Variants in RGS6 observed in about 807,000 individuals in gnomAD.
RGS6 encodes the protein regulator of G-protein signaling 6.
Under a neutral mutation model 78.5 loss-of-function variants are expected in RGS6, and 30 were observed. The ratio of observed to expected loss-of-function variants is 0.38; its 90% CI spans 0.29 to 0.52. The LOEUF is 0.52. RGS6 is among the 20% of genes least tolerant of loss of function. The probability of loss-of-function intolerance (pLI) is 0.85; values close to 1 mark genes in which losing one functional copy is unlikely to be tolerated. For missense variants in RGS6, 495 were observed against 609.7 expected (o/e 0.81, Z 1.98); for synonymous variants, 206 against 206.0 (o/e 1.00, Z 0.00).
chr14:72,474,739 T>C (rs2096189289), intron 10 of RGS6, 40 bp downstream of exon 10: 2 of 1,518,566 alleles, frequency 1.3e-6, no homozygotes, highest in African/African-American at 1.4e-5. Context: ...CTGATGTGAA[T>C]AGCCCTTCCA....
At chr14:72,517,497 T>A (rs1598603113) in intron 14 of RGS6, among the ~76,000 whole-genome samples, 2 of 152,310 alleles carry the variant, frequency 1.3e-5, no homozygotes, top group South Asian at 4.1e-4. Flanking sequence ...ATGCGGATGC[T>A]GAGGGATTAA....
rs2079228225 is a variant in RGS6 at position 72,352,202 on chromosome 14, C to T, written c.184+8C>T. ...TCCCCAGTGTCGTCACAGGTAACAC[C>T]CTCCTTGCAAGGTGTTGGTAACAGT... On this transcript the variant is annotated splice_region_variant and intron_variant, in intron 3 of 17. Transcript: ENST00000553525. 1.9e-6 allele frequency: 3 copies of T among 1,606,754 alleles called. No individual in the cohort carries two copies. The South Asian group carries it at 3.3e-5, about 18-fold the overall frequency.
chr14:72,128,227 A>G (rs887677298), intron 2 of RGS6, among the ~76,000 whole-genome samples: 1 of 152,214 alleles, frequency 6.6e-6, no homozygotes, highest in Non-Finnish European at 1.5e-5. Context: ...CAAATGTTAT[A>G]AACTATGACA....
chr14:72,510,393 G>A (rs2153447484), intron 14 of RGS6, 114 bp downstream of exon 14: 1 of 1,359,670 alleles, frequency 7.4e-7, no homozygotes, highest in Non-Finnish European at 1.0e-6. Flanking sequence ...AAATTCAAAT[G>A]CCAGCTAATC....
intron 2 of RGS6, among the ~76,000 whole-genome samples, chr14:72,012,947 G>A (rs2086093076): frequency 6.6e-6 from 1 of 152,122 alleles, no homozygotes; most frequent in Admixed American, 6.6e-5. Flanking sequence ...TGTCAAGTAA[G>A]CCAAGTTAAT....
the RGS6 span, among the ~76,000 whole-genome samples, chr14:72,596,829 T>C: frequency 3.3e-5 from 5 of 152,162 alleles, no homozygotes; most frequent in East Asian, 9.6e-4. Flanking sequence ...TCAGAGAGGC[T>C]CAGGTGAGAT....
intron 2 of RGS6, among the ~76,000 whole-genome samples, chr14:72,238,867 C>T (rs2051931976): frequency 6.6e-6 from 1 of 152,186 alleles, no homozygotes; most frequent in African/African-American, 2.4e-5. Context: ...ACAACCTGTT[C>T]TGTAAACTCA....
intron 3 of RGS6, among the ~76,000 whole-genome samples, chr14:72,368,272 C>T (rs867048336): frequency 6.6e-6 from 1 of 152,052 alleles, no homozygotes; most frequent in Non-Finnish European, 1.5e-5. Context: ...GATAGCTAAC[C>T]CACTCCTAGG....
At chr14:72,115,443 T>C (rs2153558331) in intron 2 of RGS6, among the ~76,000 whole-genome samples, 1 of 152,270 alleles carries the variant, frequency 6.6e-6, no homozygotes, top group Middle Eastern at 3.4e-3. Context: ...CACATTGGTC[T>C]CTTGCTGCCT....
chr14:72,543,596 A>G (rs928847298), intron 17 of RGS6, among the ~76,000 whole-genome samples: 15 of 152,168 alleles, frequency 9.9e-5, no homozygotes, highest in Admixed American at 9.2e-4. Flanking sequence ...GGCATTACTG[A>G]CCAGGGAGAG....
intron 2 of RGS6, among the ~76,000 whole-genome samples, chr14:72,013,224 T>G (rs2086179120): frequency 8.2e-6 from 1 of 121,810 alleles, no homozygotes; most frequent in South Asian, 2.8e-4. Context: ...TGAGCCAAGA[T>G]CACGCCACTG....
At chr14:72,504,807 G>T (rs1175450998) in intron 13 of RGS6, among the ~76,000 whole-genome samples, 1 of 151,076 alleles carries the variant, frequency 6.6e-6, no homozygotes, top group African/African-American at 2.4e-5. Flanking sequence ...AGGCTGGAGT[G>T]CAGTGTCGGG....
intron 3 of RGS6, among the ~76,000 whole-genome samples, chr14:72,417,477 C>T (rs543355070): frequency 1.1e-4 from 16 of 152,250 alleles, no homozygotes; most frequent in Admixed American, 7.9e-4. Context: ...AGATTTGGGC[C>T]GTCTTTTTTT....
At chr14:72,481,574 C>T (rs2096378524) in intron 12 of RGS6, among the ~76,000 whole-genome samples, 1 of 152,182 alleles carries the variant, frequency 6.6e-6, no homozygotes, top group African/African-American at 2.4e-5. Context: ...CTCAGATCAT[C>T]CCAGTTCCAA....
At chr14:72,429,646 G>C (rs139780405) in intron 3 of RGS6, among the ~76,000 whole-genome samples, 294 of 152,322 alleles carry the variant, frequency 1.9e-3, no homozygotes, top group African/African-American at 6.9e-3. Context: ...GTGGCCTCCA[G>C]ATGTGCACAG....
At chr14:72,236,918 C>T (rs374226728) in intron 2 of RGS6, among the ~76,000 whole-genome samples, 3 of 152,214 alleles carry the variant, frequency 2.0e-5, no homozygotes, top group Admixed American at 6.5e-5. Flanking sequence ...GACGGGGCGG[C>T]GGCATTCTTA....
At chr14:72,205,676 A>G (rs1478985038) in intron 2 of RGS6, among the ~76,000 whole-genome samples, 4 of 152,240 alleles carry the variant, frequency 2.6e-5, no homozygotes, top group African/African-American at 9.6e-5. Flanking sequence ...ATTGTGTGCA[A>G]AGGTTTCTGG....
the RGS6 span, among the ~76,000 whole-genome samples, chr14:72,615,355 G>A: frequency 6.6e-6 from 1 of 152,156 alleles, no homozygotes; most frequent in African/African-American, 2.4e-5. Context: ...AAGAGCACAG[G>A]TCTCCTCCAC....
At chr14:72,198,723 G>A (rs2238244) in intron 2 of RGS6, among the ~76,000 whole-genome samples, 59,476 of 152,156 alleles carry the variant, frequency 0.39, 12,601 homozygotes, top group Middle Eastern at 0.56. Flanking sequence ...TCATATAGTT[G>A]TAACCCAGGT....
Sources: gnomAD v4.1 joint callset for allele counts (sites outside exome capture counted in the v4.1 genomes callset) on GRCh38, gnomAD v4.1.1 for gene constraint, MANE v1.5 for transcripts, NCBI Gene and HGNC (gene_info 2026-07-23, HGNC 2026-07-21) for gene names.